LIMCH1: variants seen among roughly 807,000 people sequenced by gnomAD.
The protein encoded by LIMCH1 is LIM and calponin homology domains 1.
In LIMCH1, 113 loss-of-function variants were observed where a neutral mutation model predicts 176.5. The observed-to-expected ratio is 0.64, with a 90% confidence interval of 0.55 to 0.75. LIMCH1 has a LOEUF of 0.75. Among genes scored for constraint, LIMCH1 ranks in the 30% least tolerant of loss-of-function variants. The pLI, the probability that LIMCH1 is intolerant of heterozygous loss-of-function variation, is 0.00. For missense variants in LIMCH1, 1,674 were observed against 1,814.9 expected, an observed-to-expected ratio of 0.92 and a Z score of 1.41; for synonymous variants, 619 against 645.9, an observed-to-expected ratio of 0.96 and a Z score of 0.63.
At chr4:41,572,633 T>A (rs2083742515) in intron 1 of LIMCH1, among the ~76,000 whole-genome samples, 2 of 152,268 alleles carry the variant, frequency 1.3e-5, no homozygotes, top group Admixed American at 1.3e-4. Flanking sequence ...TAAGCTTGGA[T>A]GAGAAAACAC....
intron 7 of LIMCH1, among the ~76,000 whole-genome samples, chr4:41,624,312 G>A (rs919856907): frequency 1.3e-5 from 2 of 151,854 alleles, no homozygotes; most frequent in African/African-American, 4.8e-5. Context: ...GGGGTGTGGG[G>A]GCGTAAAAAA....
rs763336859 is a variant in LIMCH1 at position 41,676,461 on chromosome 4, A to G, written c.3518A>G (p.Gln1173Arg). The change falls in exon 23 of 32, where the codon CAG (glutamine) becomes CGG (arginine). Residue 1173 changes from glutamine to arginine, a missense_variant and splice_region_variant. Coordinates refer to ENST00000503057, the MANE Select transcript of LIMCH1 (RefSeq NM_001330672.2). Reference protein sequence around the residue: ...KWQQEQERLLQERYQKEQDKL... With the variant: ...KWQQEQERLLRERYQKEQDKL... ...CAACAGGAACAGGAACGTTTGCTCC[A>G]GGTAGGATGGAGTTTGCTGCTTTTT... is the stretch of plus-strand genomic sequence containing the variant. The G allele has an allele frequency of 1.1e-5, 18 of 1,612,866 alleles. No individual in the cohort carries two copies. In the South Asian group the frequency reaches 1.9e-4, roughly 17 times the overall value.
intron 1 of LIMCH1, among the ~76,000 whole-genome samples, chr4:41,362,612 CAT>C (rs773217449): frequency 2.0e-5 from 3 of 152,186 alleles, no homozygotes; most frequent in Non-Finnish European, 4.4e-5. Context: ...GTATCATTGA[CAT>C]ATTCTGCTTT....
At chr4:41,625,754 A>G (rs1159858101) in intron 7 of LIMCH1, among the ~76,000 whole-genome samples, 1 of 152,220 alleles carries the variant, frequency 6.6e-6, no homozygotes, top group East Asian at 1.9e-4. Flanking sequence ...CACAAGATGC[A>G]CAAGGGACCA....
At chr4:41,486,977 TACACAC>T (rs71927545) in intron 1 of LIMCH1, among the ~76,000 whole-genome samples, 117 of 138,512 alleles carry the variant, frequency 8.4e-4, no homozygotes, top group African/African-American at 2.6e-3. Context: ...CACACATACA[TACACAC>T]ACACACACAC....
intron 4 of LIMCH1, among the ~76,000 whole-genome samples, chr4:41,609,998 G>A (rs757791668): frequency 3.3e-5 from 5 of 152,348 alleles, no homozygotes; most frequent in Admixed American, 2.6e-4. Flanking sequence ...TCCTCGGGAC[G>A]AGCTTGGCCA....
chr4:41,509,788 C>T (rs1422525892), intron 2 of LIMCH1, among the ~76,000 whole-genome samples: 1 of 152,158 alleles, frequency 6.6e-6, no homozygotes, highest in Non-Finnish European at 1.5e-5. Flanking sequence ...AGTGTTGCCT[C>T]TTTTTTTGAA....
chr4:41,633,214 C>T, intron 12 of LIMCH1, 129 bp downstream of exon 12: 1 of 683,228 alleles, frequency 1.5e-6, no homozygotes, highest in South Asian at 1.9e-5. Flanking sequence ...AGTAAAGTCA[C>T]TAAAAGAGTG....
intron 1 of LIMCH1, among the ~76,000 whole-genome samples, chr4:41,595,761 A>G (rs568750006): frequency 1.3e-5 from 2 of 152,306 alleles, no homozygotes; most frequent in South Asian, 4.2e-4. Context: ...AAAGCCTTTT[A>G]AAAAAGAATT....
intron 1 of LIMCH1, among the ~76,000 whole-genome samples, chr4:41,440,874 G>A (rs1248690945): frequency 1.3e-5 from 2 of 152,032 alleles, no homozygotes; most frequent in African/African-American, 4.8e-5. Flanking sequence ...TATTTCTATG[G>A]TGACTAAATA....
chr4:41,481,723 T>A (rs1163443525), intron 1 of LIMCH1, among the ~76,000 whole-genome samples: 1 of 152,100 alleles, frequency 6.6e-6, no homozygotes, highest in Non-Finnish European at 1.5e-5. Flanking sequence ...TTTGAATGTA[T>A]CTCTGTGTTA....
chr4:41,377,458 A>G (rs4860992), intron 1 of LIMCH1, among the ~76,000 whole-genome samples: 64,574 of 151,688 alleles, frequency 0.43, 15,604 homozygotes, highest in African/African-American at 0.67. Flanking sequence ...GCGAGGGGAG[A>G]GGAGTGGATA....
intron 1 of LIMCH1, among the ~76,000 whole-genome samples, chr4:41,419,583 CTTCCT>C (rs1219551897): frequency 2.4e-5 from 2 of 83,088 alleles, no homozygotes; most frequent in African/African-American, 1.9e-4. Flanking sequence ...TCCTTCCTTC[CTTCCT>C]TCCTTCCTTC....
chr4:41,620,015 T>C, intron 6 of LIMCH1: 1 of 203,878 alleles, frequency 4.9e-6, no homozygotes, highest in East Asian at 1.2e-4. Flanking sequence ...ATCTACTATA[T>C]GCTAGGCATT....
intron 1 of LIMCH1, among the ~76,000 whole-genome samples, chr4:41,481,777 A>G (rs1349223726): frequency 6.6e-6 from 1 of 151,302 alleles, no homozygotes; most frequent in African/African-American, 2.4e-5. Flanking sequence ...TATGGAGGAG[A>G]CCAGAGGTGG....
chr4:41,371,120 G>A (rs1001586202), intron 1 of LIMCH1, among the ~76,000 whole-genome samples: 3 of 152,118 alleles, frequency 2.0e-5, no homozygotes, highest in African/African-American at 4.8e-5. Flanking sequence ...AAGTAAAAGC[G>A]AAACTTCTAA....
At chr4:41,486,987 C>G (rs79734161) in intron 1 of LIMCH1, among the ~76,000 whole-genome samples, 1 of 147,102 alleles carries the variant, frequency 6.8e-6, no homozygotes, top group Non-Finnish European at 1.5e-5. Context: ...TACACACACA[C>G]ACACACACAC....
At chr4:41,661,286 G>A in intron 18 of LIMCH1, 134 bp from the exon 19 acceptor site, 1 of 653,990 alleles carries the variant, frequency 1.5e-6, no homozygotes, top group South Asian at 2.0e-5. Flanking sequence ...TCGCCATGAA[G>A]CTGCCTGGGA....
intron 1 of LIMCH1, among the ~76,000 whole-genome samples, chr4:41,570,458 A>C (rs1030021159): frequency 6.6e-6 from 1 of 152,162 alleles, no homozygotes; most frequent in African/African-American, 2.4e-5. Context: ...CTTCAGTGAT[A>C]TGTTTTGCAT....
Sources: gnomAD v4.1 joint callset for allele counts (sites outside exome capture counted in the v4.1 genomes callset) on GRCh38, gnomAD v4.1.1 for gene constraint, MANE v1.5 for transcripts, NCBI Gene and HGNC (gene_info 2026-07-23, HGNC 2026-07-21) for gene names.